The following HECTD4 variants were observed in gnomAD, a reference collection of about 807,000 sequenced individuals.
HECTD4 encodes HECT domain E3 ubiquitin protein ligase 4, also known as probable E3 ubiquitin-protein ligase HECTD4.
In HECTD4, 114 loss-of-function variants were observed where a neutral mutation model predicts 471.5. The observed-to-expected ratio is 0.24, with a 90% confidence interval of 0.21 to 0.28. The LOEUF (loss-of-function observed/expected upper bound fraction) is 0.28. Ranked by LOEUF, HECTD4 falls within the 10% of genes least tolerant of loss-of-function variation. The pLI is 1.00. For synonymous variants in HECTD4, 2,012 were observed against 2,256.0 expected, an observed-to-expected ratio of 0.89 and a Z score of 3.07; for missense variants, 3,866 against 5,651.5, an observed-to-expected ratio of 0.68 and a Z score of 10.13.
intron 1 of HECTD4, among the ~76,000 whole-genome samples, chr12:112,380,817 C>T (rs1205730318): frequency 6.6e-6 from 1 of 152,216 alleles, no homozygotes; most frequent in Non-Finnish European, 1.5e-5. Flanking sequence ...GATCCGATCA[C>T]TGCCGTTTCC....
chr12:112,276,547 A>G (rs560255801), intron 9 of HECTD4, among the ~76,000 whole-genome samples: 2 of 152,302 alleles, frequency 1.3e-5, no homozygotes, highest in African/African-American at 4.8e-5. Flanking sequence ...TCCCAGGTTC[A>G]AGCAATTCTC....
chr12:112,382,198 G>T lies in HECTD4; in HGVS notation c.-70C>A. The T allele has an allele frequency of 2.6e-6, 3 of 1,164,908 alleles. No individual in the cohort carries two copies. The highest frequency in any genetic ancestry group is 2.1e-6 in the Non-Finnish European group (2 of 933,220). 72.2% of individuals were successfully genotyped at this position (1,164,908 alleles called of 1,614,324 possible). On this transcript the variant is annotated 5_prime_UTR_variant, in exon 1 of 76. Transcript: ENST00000682272. ...GGGGAAACGGAGCAGGAGCCGCCGC[G>T]ATCACCAGTCCATGGCAGCGGCCGC... is the stretch of plus-strand genomic sequence containing the variant.
chr12:112,205,228 G>C (rs2032540677), intron 52 of HECTD4, among the ~76,000 whole-genome samples: 1 of 152,036 alleles, frequency 6.6e-6, no homozygotes, highest in African/African-American at 2.4e-5. Context: ...CTGAGGTCAG[G>C]AGTTTGAGAC....
At chr12:112,202,260 C>T (rs2032451118) in intron 54 of HECTD4, among the ~76,000 whole-genome samples, 2 of 151,676 alleles carry the variant, frequency 1.3e-5, no homozygotes, top group Admixed American at 1.3e-4. Context: ...GGTTGGAGTG[C>T]CATGGCATGA....
intron 62 of HECTD4, among the ~76,000 whole-genome samples, chr12:112,181,929 T>C (rs1350144877): frequency 6.6e-6 from 1 of 151,482 alleles, no homozygotes; most frequent in Non-Finnish European, 1.5e-5. Context: ...CCGTCTCTAC[T>C]AAAAATACAA....
intron 38 of HECTD4, among the ~76,000 whole-genome samples, chr12:112,232,513 C>T (rs1015117578): frequency 6.6e-6 from 1 of 152,278 alleles, no homozygotes; most frequent in South Asian, 2.1e-4. Flanking sequence ...TTTACCCTCA[C>T]CTTGACAATA....
At chr12:112,206,340 A>T (rs2032579770) in intron 52 of HECTD4, among the ~76,000 whole-genome samples, 1 of 151,992 alleles carries the variant, frequency 6.6e-6, no homozygotes, top group Non-Finnish European at 1.5e-5. Flanking sequence ...ACAAAAAATA[A>T]AAAAATTAGC....
intron 1 of HECTD4, among the ~76,000 whole-genome samples, chr12:112,360,289 C>G (rs2036426167): frequency 6.6e-6 from 1 of 152,056 alleles, no homozygotes; most frequent in Non-Finnish European, 1.5e-5. Context: ...TGTGAATAGC[C>G]ACTGCACTCT....
At chr12:112,240,284 T>C (rs979429972) in intron 32 of HECTD4, among the ~76,000 whole-genome samples, 1 of 152,170 alleles carries the variant, frequency 6.6e-6, no homozygotes, top group African/African-American at 2.4e-5. Context: ...CAGACTACTG[T>C]AGGACTTTTC....
intron 7 of HECTD4, among the ~76,000 whole-genome samples, chr12:112,288,817 T>C (rs549038409): frequency 6.6e-6 from 1 of 152,166 alleles, no homozygotes; most frequent in Non-Finnish European, 1.5e-5. Flanking sequence ...AAGCTCCCAG[T>C]TGAATGAAGC....
intron 25 of HECTD4, 77 bp from the exon 26 acceptor site, chr12:112,248,589 T>G: frequency 9.8e-7 from 1 of 1,015,994 alleles, no homozygotes; most frequent in Non-Finnish European, 1.4e-6. Flanking sequence ...TTTTATTTTT[T>G]ATTTCTTTAG....
intron 13 of HECTD4, among the ~76,000 whole-genome samples, chr12:112,269,021 C>T (rs981791128): frequency 5.3e-5 from 8 of 150,672 alleles, no homozygotes; most frequent in South Asian, 4.3e-4. Context: ...ACTACAGGAG[C>T]GCGCCACCAT....
intron 20 of HECTD4, among the ~76,000 whole-genome samples, chr12:112,257,434 T>C (rs376055101): frequency 3.3e-5 from 5 of 152,198 alleles, no homozygotes; most frequent in African/African-American, 1.2e-4. Flanking sequence ...ATAACTGACA[T>C]AATAAATTGC....
rs575960300 is a variant in HECTD4 at position 112,172,162 on chromosome 12, C to T, written c.11785+509G>A. Among the ~76,000 whole-genome samples, 6 of 152,352 alleles carry T rather than the reference C, an allele frequency of 3.9e-5. No homozygotes were observed. In the East Asian group the frequency reaches 1.2e-3, roughly 29 times the overall value. ...AAGTGATCCGCCCGCCTTGGCCTCT[C>T]AAAGTGCTGGGATTACAGGCATGAG... On this transcript the variant is annotated intron_variant, in intron 67 of 75. Transcript: ENST00000682272.
Position 112,172,786 on chromosome 12 carries a change from C to T in HECTD4, c.11670G>A (p.Val3890=). The change falls in exon 67 of 76, where the codon GTG becomes GTA. Residue 3890 remains valine (V), a synonymous_variant. Transcript: ENST00000682272. The part of the protein sequence containing the change: ...KWTLEMDVAL[V]QYINQLCRHL... The stretch of plus-strand genomic sequence containing the variant: ...GGCGGCATAGCTGGTTGATGTACTG[C>T]ACAAGTGCCACGTCCATCTCCAGGG... The T allele has an allele frequency of 6.2e-7, 1 of 1,614,006 alleles. No individual in the cohort carries two copies.
Position 112,239,344 on chromosome 12 carries a change from C to G in HECTD4, c.5106-108G>C. The G allele has an allele frequency of 1.1e-6, 1 of 933,726 alleles. No individual in the cohort carries two copies. Among genetic ancestry groups the G allele is most frequent in the Non-Finnish European group, 1.6e-6 (1 of 644,366 alleles). 57.8% of individuals were successfully genotyped at this position (933,726 alleles called of 1,614,324 possible). On this transcript the variant is annotated intron_variant, in intron 33 of 75. Transcript: ENST00000682272. The surrounding 1 kb of genome is among the most constrained non-coding windows in gnomAD (Gnocchi z 4.9). ...AAAACATGCTGGTGCAGCTCTTTCC[C>G]TACAACTTAGGATACTGCCATGTGC...
Position 112,243,765 on chromosome 12 carries a change from C to T in HECTD4, c.4650-4G>A, listed in dbSNP as rs377347857. The T allele has an allele frequency of 1.1e-5, 17 of 1,612,742 alleles. No individual in the cohort carries two copies. The highest frequency in any genetic ancestry group is 4.0e-5 in the African/African-American group (3 of 75,012). On this transcript the variant is annotated splice_polypyrimidine_tract_variant and splice_region_variant and intron_variant, in intron 30 of 75. Coordinates refer to ENST00000682272, the MANE Select transcript of HECTD4 (RefSeq NM_001388303.1). This position sits in a 1 kb window ranked among gnomAD's most constrained non-coding sequence, Gnocchi z 6.6. The stretch of plus-strand genomic sequence containing the variant: ...GTGGCTGGTCACGTGGCGACGCCTA[C>T]GGGGAACACAGAACAGACTGGCAAG...
At position 112,163,983 on chromosome 12, in the gene HECTD4, T is replaced by C; in HGVS notation, c.12701+126A>G. On this transcript the variant is annotated intron_variant, in intron 73 of 75. Coordinates refer to ENST00000682272, the MANE Select transcript of HECTD4 (RefSeq NM_001388303.1). This position sits in a 1 kb window ranked among gnomAD's most constrained non-coding sequence, Gnocchi z 8.2. Reference sequence around the variant, plus strand: ...ACCATCCTGCCTCATCTCCCTCTCCTGGTGAAATCCACCTGTCACCTGACC... The same window carrying C: ...ACCATCCTGCCTCATCTCCCTCTCCCGGTGAAATCCACCTGTCACCTGACC... The C allele has an allele frequency of 9.4e-7, 1 of 1,063,970 alleles. No individual in the cohort carries two copies. The highest frequency in any genetic ancestry group is 1.3e-6 in the Non-Finnish European group (1 of 788,582). The allele number at this position is 1,063,970 out of a possible 1,614,324, so 65.9% of individuals were successfully genotyped here. A position where few individuals can be genotyped will look rare whatever the true frequency, so the allele number is the denominator to read the frequency against.
At chr12:112,168,007 T>C in intron 70 of HECTD4, 90 bp from the exon 71 acceptor site, 2 of 1,067,442 alleles carry the variant, frequency 1.9e-6, no homozygotes, top group Non-Finnish European at 2.9e-6. Flanking sequence ...CTGGAGCGGC[T>C]ACTCCTTCCA....
Sources: allele counts gnomAD v4.1 joint callset (sites outside exome capture counted in the v4.1 genomes callset), GRCh38; gene constraint gnomAD v4.1.1; non-coding constraint Gnocchi (gnomAD v3.1); transcripts MANE v1.5; gene names NCBI Gene and HGNC (gene_info 2026-07-23, HGNC 2026-07-21).